Variants in KNTC1 observed in about 807,000 individuals in gnomAD.
The protein encoded by KNTC1 is kinetochore associated 1.
KNTC1 carries 253 observed loss-of-function variants against 314.4 expected under a neutral mutation model. That is an observed-to-expected ratio of 0.80 (90% CI 0.73 to 0.89). The LOEUF (loss-of-function observed/expected upper bound fraction) is 0.89, where lower values mean the gene tolerates loss of function less well. KNTC1 is among the 40% of genes least tolerant of loss of function. The pLI, the probability that KNTC1 is intolerant of heterozygous loss-of-function variation, is 0.00. For synonymous variants in KNTC1, 901 were observed against 901.4 expected (o/e 1.00, Z 0.01); for missense variants, 2,475 against 2,572.9 (o/e 0.96, Z 0.82).
rs755615575 is a variant in KNTC1, at chr12:122,547,399, A to C, written c.817-16A>C. 12 of 1,499,104 alleles carry C rather than the reference A, an allele frequency of 8.0e-6. No homozygotes were observed. The highest frequency in any genetic ancestry group is 7.4e-6 in the Non-Finnish European group (8 of 1,078,154). 92.9% of individuals were successfully genotyped at this position (1,499,104 alleles called of 1,614,324 possible). ...TCAAAAAAAAAGGACATGTAAATGA[A>C]ATGTCTCTATTGCAGAACGTGCTGA... is the stretch of plus-strand genomic sequence containing the variant. On this transcript the variant is annotated splice_polypyrimidine_tract_variant and intron_variant, in intron 10 of 63. Transcript: ENST00000333479.
At chr12:122,593,966 G>C (rs1397636703) in intron 42 of KNTC1, 2 of 292,982 alleles carry the variant, frequency 6.8e-6, no homozygotes, top group Non-Finnish European at 1.3e-5. Context: ...AAGGTAATCA[G>C]TACAGAAATG....
At chr12:122,578,511 C>T (rs949137131) in intron 31 of KNTC1, among the ~76,000 whole-genome samples, 23 of 152,140 alleles carry the variant, frequency 1.5e-4, no homozygotes, top group Non-Finnish European at 3.2e-4. Context: ...CAACCTCTGC[C>T]TCTCAGGTTG....
intron 52 of KNTC1, among the ~76,000 whole-genome samples, chr12:122,610,551 T>G (rs1873005751): frequency 6.6e-6 from 1 of 152,180 alleles, no homozygotes; most frequent in Non-Finnish European, 1.5e-5. Context: ...TAAATAAAAT[T>G]TAAGGGATCA....
In KNTC1 at chr12:122,555,328, G is replaced by T. The variant is rs1196115913; in HGVS notation, c.1273-2056G>T. Among the ~76,000 whole-genome samples, 4 of 152,122 alleles carry T rather than the reference G, an allele frequency of 2.6e-5. No individual in the cohort carries two copies. The East Asian group carries it at 5.8e-4, about 22-fold the overall frequency. ...ACACTTTGGGAGGCCAAGGTGGGTG[G>T]ATTACTTGAGGCCAGGAGTTTAAGA... is the stretch of plus-strand genomic sequence containing the variant. On this transcript the variant is annotated intron_variant, in intron 16 of 63. Coordinates refer to ENST00000333479, the MANE Select transcript of KNTC1 (RefSeq NM_014708.6).
At chr12:122,566,287 G>A (rs1353425488) in intron 20 of KNTC1, among the ~76,000 whole-genome samples, 4 of 148,416 alleles carry the variant, frequency 2.7e-5, no homozygotes, top group Admixed American at 6.8e-5. Context: ...TGCTCTTGTC[G>A]CCCAGGCTCG....
At chr12:122,594,166 GT>G (rs1461645770) in intron 42 of KNTC1, 109 bp from the exon 43 acceptor site, 2 of 660,476 alleles carry the variant, frequency 3.0e-6, no homozygotes, top group African/African-American at 1.8e-5. Context: ...ATAGACAAAT[GT>G]TTCTTTTTGA....
intron 18 of KNTC1, among the ~76,000 whole-genome samples, chr12:122,559,217 A>G (rs11058721): frequency 0.46 from 69,369 of 151,884 alleles, 18,505 homozygotes; most frequent in African/African-American, 0.75. Flanking sequence ...TTATCCAGGC[A>G]TGGTGGCACG....
intron 20 of KNTC1, 132 bp downstream of exon 20, chr12:122,562,831 A>C (rs1480501062): frequency 1.8e-6 from 1 of 567,120 alleles, no homozygotes; most frequent in Non-Finnish European, 3.3e-6. Context: ...CCAACATGGC[A>C]AAACCCCATC....
At position 122,557,705 on chromosome 12, in the gene KNTC1, T is replaced by C. The variant is rs762348497; in HGVS notation, c.1488+16T>C. 10 of 1,595,998 alleles carry C rather than the reference T, an allele frequency of 6.3e-6. No individual in the cohort carries two copies. Among genetic ancestry groups the C allele is most frequent in the Non-Finnish European group, 7.7e-6 (9 of 1,168,108 alleles). ...CAAAACCAGGGTAGGTTCGTTTTTTTGTATTTTGTTTTTTTGGGGCAGGGG... is the reference window on the plus strand; with the variant it reads ...CAAAACCAGGGTAGGTTCGTTTTTTCGTATTTTGTTTTTTTGGGGCAGGGG... On this transcript the variant is annotated intron_variant, in intron 18 of 63. Transcript: ENST00000333479.
chr12:122,601,677 A>C (rs773785975), intron 45 of KNTC1, 52 bp downstream of exon 45: 95 of 1,399,346 alleles, frequency 6.8e-5, no homozygotes, highest in Non-Finnish European at 8.4e-5. Context: ...TTTTATTTGG[A>C]TCATAAATCA....
Position 122,530,022 on chromosome 12 carries a change from G to T in KNTC1, c.-42G>T, listed in dbSNP as rs777635758. 2.5e-6 allele frequency: 4 copies of T among 1,604,882 alleles called. No homozygotes were observed. The highest frequency in any genetic ancestry group is 2.2e-5 in the South Asian group (2 of 89,554). On this transcript the variant is annotated 5_prime_UTR_variant, in exon 2 of 64. Coordinates refer to ENST00000333479, the MANE Select transcript of KNTC1 (RefSeq NM_014708.6). ...TGGTGTCTAATTTTATGTTGTTCAG[G>T]AAAGACAGTGGTTCCTGACTCAGGA...
intron 2 of KNTC1, among the ~76,000 whole-genome samples, chr12:122,530,432 T>C (rs1961219408): frequency 6.6e-6 from 1 of 152,070 alleles, no homozygotes; most frequent in Admixed American, 6.6e-5. Context: ...AAAATATGTG[T>C]AAGTTGATAC....
At chr12:122,545,522 T>A (rs1022442123) in intron 8 of KNTC1, among the ~76,000 whole-genome samples, 2 of 152,186 alleles carry the variant, frequency 1.3e-5, no homozygotes, top group Non-Finnish European at 1.5e-5. Flanking sequence ...TTAATATTTA[T>A]AAATTTTTTT....
chr12:122,545,071 ATC>A (rs1279178295), intron 8 of KNTC1, among the ~76,000 whole-genome samples: 1 of 152,220 alleles, frequency 6.6e-6, no homozygotes, highest in African/African-American at 2.4e-5. Flanking sequence ...AATGTCTTAT[ATC>A]TCATGTTACA....
At chr12:122,554,035 A>T (rs545257211) in intron 16 of KNTC1, among the ~76,000 whole-genome samples, 1 of 146,318 alleles carries the variant, frequency 6.8e-6, no homozygotes. Flanking sequence ...TAAAAAATAT[A>T]ACGGTTTTAA....
At chr12:122,571,972 C>T (rs1024830787) in intron 24 of KNTC1, among the ~76,000 whole-genome samples, 26 of 152,014 alleles carry the variant, frequency 1.7e-4, no homozygotes, top group African/African-American at 6.3e-4. Context: ...GCTCCTGGCC[C>T]CCCTCCACCT....
intron 44 of KNTC1, among the ~76,000 whole-genome samples, chr12:122,598,371 T>C (rs1248578431): frequency 1.3e-5 from 2 of 152,052 alleles, no homozygotes; most frequent in Non-Finnish European, 2.9e-5. Flanking sequence ...ACAATTTCTT[T>C]TTCATCTTTT....
Position 122,572,929 on chromosome 12 carries a change from T to C in KNTC1, c.2020-8T>C. On this transcript the variant is annotated splice_region_variant and splice_polypyrimidine_tract_variant and intron_variant, in intron 24 of 63. Coordinates refer to ENST00000333479, the MANE Select transcript of KNTC1 (RefSeq NM_014708.6). ...ATATCGTTAACAACTTTAACACTTTTGTTTTAGAAAGATTATCAGAACACA... is the reference window on the plus strand; with the variant it reads ...ATATCGTTAACAACTTTAACACTTTCGTTTTAGAAAGATTATCAGAACACA... The C allele has an allele frequency of 6.5e-7, 1 of 1,538,656 alleles. No individual in the cohort carries two copies. The highest frequency in any genetic ancestry group is 8.8e-7 in the Non-Finnish European group (1 of 1,129,956).
chr12:122,622,562 C>T lies in KNTC1; in HGVS notation c.6470C>T (p.Thr2157Ile), dbSNP rs1230362396. Residue 2157 changes from threonine (T) to isoleucine (I), a missense_variant, in exon 62 of 64, where the codon ACC becomes ATC. Transcript: ENST00000333479. ...FQMLKMHAMN[T>I]NNITELVNYL... ...ATGTTGAAGATGCATGCGATGAATA[C>T]CAACAATATCACTGAGCTAGTGAAC... is the stretch of plus-strand genomic sequence containing the variant. The T allele has an allele frequency of 6.4e-7, 1 of 1,567,522 alleles. No individual in the cohort carries two copies. The highest frequency in any genetic ancestry group is 8.7e-7 in the Non-Finnish European group (1 of 1,155,082).
Sources: gnomAD v4.1 joint callset for allele counts (sites outside exome capture counted in the v4.1 genomes callset) on GRCh38, gnomAD v4.1.1 for gene constraint, MANE v1.5 for transcripts, NCBI Gene and HGNC (gene_info 2026-07-23, HGNC 2026-07-21) for gene names.